TRPM3: variants seen among roughly 807,000 people sequenced by gnomAD.
The protein encoded by TRPM3 is long transient receptor potential channel 3.
Under a neutral mutation model 181.2 loss-of-function variants are expected in TRPM3, and 77 were observed. The observed-to-expected ratio is 0.42, with a 90% CI of 0.35 to 0.51. The LOEUF is 0.51. Ranked by LOEUF, TRPM3 falls within the 20% of genes least tolerant of loss-of-function variation. The pLI is 0.01. For missense variants in TRPM3, 1,759 were observed against 2,196.7 expected, an observed-to-expected ratio of 0.80 and a Z score of 3.98; for synonymous variants, 745 against 796.4, an observed-to-expected ratio of 0.94 and a Z score of 1.09.
At chr9:71,038,556 C>A (rs375098350) in intron 1 of TRPM3, among the ~76,000 whole-genome samples, 3 of 152,088 alleles carry the variant, frequency 2.0e-5, no homozygotes, top group Non-Finnish European at 4.4e-5. Flanking sequence ...CTCTTCTTCC[C>A]TCTCTCCTTA....
At chr9:71,329,128 C>A (rs2089935032) in intron 1 of TRPM3, among the ~76,000 whole-genome samples, 1 of 152,196 alleles carries the variant, frequency 6.6e-6, no homozygotes, top group African/African-American at 2.4e-5. Context: ...CTGAATGTTA[C>A]CTGCTGCTTG....
At chr9:70,818,192 G>C (rs2092868458) in intron 6 of TRPM3, among the ~76,000 whole-genome samples, 2 of 151,966 alleles carry the variant, frequency 1.3e-5, no homozygotes, top group Non-Finnish European at 2.9e-5. Flanking sequence ...TATAGTCCAG[G>C]GAAATGAAAG....
chr9:70,568,092 G>T (rs2051129993), intron 22 of TRPM3, among the ~76,000 whole-genome samples: 1 of 152,150 alleles, frequency 6.6e-6, no homozygotes, highest in South Asian at 2.1e-4. Context: ...ATGTGAACTG[G>T]CTACAATAAA....
At chr9:70,900,042 G>T (rs7868945) in intron 1 of TRPM3, among the ~76,000 whole-genome samples, 1 of 151,980 alleles carries the variant, frequency 6.6e-6, no homozygotes, top group Non-Finnish European at 1.5e-5. Flanking sequence ...GAATCTCAAG[G>T]TTAGAAAGGA....
At chr9:71,165,434 T>C (rs1226573518) in intron 1 of TRPM3, among the ~76,000 whole-genome samples, 1 of 152,082 alleles carries the variant, frequency 6.6e-6, no homozygotes, top group East Asian at 1.9e-4. Context: ...TTAACATCCA[T>C]AGAAGATAGG....
intron 3 of TRPM3, among the ~76,000 whole-genome samples, chr9:70,858,074 T>C (rs2095431627): frequency 1.3e-5 from 2 of 152,162 alleles, no homozygotes. Flanking sequence ...CTTTATCCTC[T>C]ACCCAGACTC....
intron 1 of TRPM3, among the ~76,000 whole-genome samples, chr9:70,996,205 C>G (rs77909358): frequency 2.0e-5 from 3 of 152,054 alleles, no homozygotes; most frequent in Non-Finnish European, 4.4e-5. Flanking sequence ...ATTTATAGAA[C>G]CAGAATTCTG....
At chr9:71,296,360 T>C (rs1427303377) in intron 1 of TRPM3, among the ~76,000 whole-genome samples, 2 of 151,386 alleles carry the variant, frequency 1.3e-5, no homozygotes, top group Non-Finnish European at 2.9e-5. Context: ...CCAGATAGAG[T>C]GTGTTGGAGG....
At chr9:71,119,500 T>C (rs1481300311) in intron 1 of TRPM3, among the ~76,000 whole-genome samples, 1 of 152,072 alleles carries the variant, frequency 6.6e-6, no homozygotes, top group Non-Finnish European at 1.5e-5. Context: ...GGTACTTCTC[T>C]GCTGGTTTTG....
intron 1 of TRPM3, among the ~76,000 whole-genome samples, chr9:71,159,913 T>C (rs1387528630): frequency 6.6e-6 from 1 of 152,108 alleles, no homozygotes; most frequent in Admixed American, 6.6e-5. Flanking sequence ...ATTCCAAAAC[T>C]AGGGAACTAT....
At chr9:70,960,185 T>C (rs2097123505) in intron 1 of TRPM3, among the ~76,000 whole-genome samples, 1 of 151,934 alleles carries the variant, frequency 6.6e-6, no homozygotes, top group Non-Finnish European at 1.5e-5. Context: ...ATAAAGTAAG[T>C]GTCTGAATCA....
intron 1 of TRPM3, among the ~76,000 whole-genome samples, chr9:71,128,360 C>T (rs2074176983): frequency 6.6e-6 from 1 of 152,148 alleles, no homozygotes; most frequent in Non-Finnish European, 1.5e-5. Flanking sequence ...ATTCAAAGGC[C>T]TAGAGCTAAA....
At chr9:71,077,201 G>A (rs1328963660) in intron 1 of TRPM3, among the ~76,000 whole-genome samples, 1 of 152,044 alleles carries the variant, frequency 6.6e-6, no homozygotes, top group Non-Finnish European at 1.5e-5. Context: ...TCAAAATCCC[G>A]TATTAGTGCC....
At chr9:70,599,388 GACTT>G (rs1031187394) in intron 20 of TRPM3, among the ~76,000 whole-genome samples, 2 of 152,018 alleles carry the variant, frequency 1.3e-5, no homozygotes, top group African/African-American at 2.4e-5. Context: ...TTAAAAAAAA[GACTT>G]AGGAGACAAA....
chr9:70,885,746 C>T (rs2096072995), intron 1 of TRPM3, among the ~76,000 whole-genome samples: 6 of 152,162 alleles, frequency 3.9e-5, no homozygotes, highest in Admixed American at 2.6e-4. Flanking sequence ...TTAACTCCTT[C>T]TTTTTGTACT....
rs374835173 is a variant in TRPM3, at chr9:70,650,752, C to T, written c.1346-10092G>A. Among the ~76,000 whole-genome samples the T allele has an allele frequency of 2.0e-5, 3 of 152,092 alleles. No homozygotes were observed. In the East Asian group the frequency reaches 5.8e-4, roughly 29 times the overall value. ...TCTGTGTCCTGCACTGGGTTTTTCA[C>T]AATGTATATTTGATCTTGCAACATT... On this transcript the variant is annotated intron_variant, in intron 9 of 25. Transcript: ENST00000677713.
chr9:70,564,439 A>G (rs1218916676), intron 22 of TRPM3, among the ~76,000 whole-genome samples: 1 of 152,170 alleles, frequency 6.6e-6, no homozygotes, highest in Non-Finnish European at 1.5e-5. Flanking sequence ...TTACTGTGGA[A>G]GGTTTTCCCT....
intron 6 of TRPM3, among the ~76,000 whole-genome samples, chr9:70,809,507 C>T (rs1215070163): frequency 6.6e-6 from 1 of 152,020 alleles, no homozygotes; most frequent in Non-Finnish European, 1.5e-5. Context: ...AAATACTTAC[C>T]ATCGTGTTAC....
chr9:71,335,579 T>C (rs1041053173), intron 1 of TRPM3, among the ~76,000 whole-genome samples: 1 of 152,116 alleles, frequency 6.6e-6, no homozygotes, highest in Non-Finnish European at 1.5e-5. Context: ...AAATTTCCTA[T>C]TTTTTCATTT....
Sources: gnomAD v4.1 joint callset for allele counts (sites outside exome capture counted in the v4.1 genomes callset) on GRCh38, gnomAD v4.1.1 for gene constraint, MANE v1.5 for transcripts, NCBI Gene and HGNC (gene_info 2026-07-23, HGNC 2026-07-21) for gene names.